The following CHCHD3 variants were observed in gnomAD, a reference collection of about 807,000 sequenced individuals.
CHCHD3 encodes the protein coiled-coil-helix-coiled-coil-helix domain containing 3, also known as MICOS complex subunit MIC19.
Under a neutral mutation model 38.2 loss-of-function variants are expected in CHCHD3, and 20 were observed. The ratio of observed to expected loss-of-function variants is 0.52; its 90% CI spans 0.37 to 0.76. The LOEUF (loss-of-function observed/expected upper bound fraction) is 0.76, where lower values mean the gene tolerates loss of function less well. CHCHD3 is among the 30% of genes least tolerant of loss of function. The pLI is 0.00. For synonymous variants in CHCHD3, 82 were observed against 100.0 expected (o/e 0.82, Z 1.07); for missense variants, 245 against 279.2 (o/e 0.88, Z 0.87).
chr7:132,985,286 C>G lies in CHCHD3; in HGVS notation c.252-10000G>C, dbSNP rs1364381165. ...CCCCCGCCCGGCCAGCCGCCCCGTC[C>G]GGGAGGTGAGGGGCGCCTCTGCCCG... On this transcript the variant is annotated intron_variant, in intron 3 of 7. Coordinates refer to ENST00000262570, the MANE Select transcript of CHCHD3 (RefSeq NM_017812.4). 2.1e-3 allele frequency among the ~76,000 whole-genome samples: 138 copies of G among 66,300 alleles called. 19 individuals carry two copies. Among genetic ancestry groups the G allele is most frequent in the Admixed American group, 3.7e-3 (25 of 6,752 alleles). The allele number at this position is 66,300 out of a possible 152,430, so 43.5% of individuals were successfully genotyped here.
intron 3 of CHCHD3, among the ~76,000 whole-genome samples, chr7:133,005,631 T>A (rs1364895946): frequency 6.6e-6 from 1 of 152,214 alleles, no homozygotes; most frequent in Non-Finnish European, 1.5e-5. Flanking sequence ...TTCCTTTTTT[T>A]GTATGTAACA....
At chr7:132,985,879 G>A (rs1011812068) in intron 3 of CHCHD3, among the ~76,000 whole-genome samples, 7 of 124,690 alleles carry the variant, frequency 5.6e-5, no homozygotes, top group East Asian at 2.7e-4. Flanking sequence ...CCCTCTGCCC[G>A]GCCACCACCC....
chr7:132,818,617 T>C (rs1042993358), intron 6 of CHCHD3, among the ~76,000 whole-genome samples: 10 of 152,192 alleles, frequency 6.6e-5, no homozygotes, highest in African/African-American at 2.4e-4. Flanking sequence ...GACTTGAAGA[T>C]GCTGTGTTTT....
intron 5 of CHCHD3, among the ~76,000 whole-genome samples, chr7:132,867,725 A>G (rs1808667611): frequency 6.6e-6 from 1 of 152,238 alleles, no homozygotes; most frequent in African/African-American, 2.4e-5. Context: ...GAATGATGAG[A>G]AAGTATAAGG....
chr7:132,914,236 C>T (rs941636038), intron 4 of CHCHD3, among the ~76,000 whole-genome samples: 3 of 151,984 alleles, frequency 2.0e-5, no homozygotes, highest in Non-Finnish European at 4.4e-5. Context: ...GATCCGCCCA[C>T]CTTGGCCTCC....
intron 5 of CHCHD3, among the ~76,000 whole-genome samples, chr7:132,845,842 A>G (rs1035705029): frequency 2.6e-5 from 4 of 152,174 alleles, no homozygotes; most frequent in Non-Finnish European, 5.9e-5. Context: ...TCAAAGCGGC[A>G]TTTTCTTATG....
intron 4 of CHCHD3, among the ~76,000 whole-genome samples, chr7:132,909,646 G>A (rs1421157869): frequency 2.0e-5 from 3 of 152,204 alleles, no homozygotes; most frequent in Non-Finnish European, 4.4e-5. Context: ...ACTTCACAGT[G>A]GAGCACAATG....
At chr7:132,963,688 C>T (rs1375749365) in intron 4 of CHCHD3, among the ~76,000 whole-genome samples, 4 of 133,352 alleles carry the variant, frequency 3.0e-5, no homozygotes, top group Non-Finnish European at 5.0e-5. Flanking sequence ...GCAACACAAA[C>T]GATTATACAC....
In CHCHD3 at chr7:132,915,138, CA is replaced by C. The variant is rs201294940; in HGVS notation, c.370-29394del. Reference sequence around the variant, plus strand: ...TAGGTGACAGAGCAGTACTCCATCTCAAAAAAAAAAAAACCAAATCAACAAA... The same window carrying C: ...TAGGTGACAGAGCAGTACTCCATCTCAAAAAAAAAAAACCAAATCAACAAA... On this transcript the variant is annotated intron_variant, in intron 4 of 7. Transcript: ENST00000262570. Among the ~76,000 whole-genome samples the C allele has an allele frequency of 7.1e-3, 949 of 133,352 alleles. 5 individuals are homozygous for C. The highest frequency in any genetic ancestry group is 0.022 in the African/African-American group (794 of 36,764). The allele number at this position is 133,352 out of a possible 152,430, so 87.5% of individuals were successfully genotyped here.
chr7:132,924,471 C>T (rs1202565831), intron 4 of CHCHD3, among the ~76,000 whole-genome samples: 1 of 152,130 alleles, frequency 6.6e-6, no homozygotes, highest in Non-Finnish European at 1.5e-5. Context: ...ATTAATCTCT[C>T]CTCATCTTGC....
At chr7:132,790,653 C>T (rs1806434333) in intron 7 of CHCHD3, among the ~76,000 whole-genome samples, 1 of 152,224 alleles carries the variant, frequency 6.6e-6, no homozygotes, top group African/African-American at 2.4e-5. Context: ...GATAAAGCAG[C>T]TTTCGAACAC....
chr7:132,857,038 C>A (rs1808357865), intron 5 of CHCHD3, among the ~76,000 whole-genome samples: 1 of 152,214 alleles, frequency 6.6e-6, no homozygotes, highest in Admixed American at 6.5e-5. Context: ...TGTTATTTCA[C>A]CACACCACCA....
intron 3 of CHCHD3, among the ~76,000 whole-genome samples, chr7:133,006,962 T>G (rs1043716498): frequency 6.6e-6 from 1 of 152,144 alleles, no homozygotes; most frequent in Non-Finnish European, 1.5e-5. Context: ...CACTTGTTAT[T>G]TTTTTTCTCC....
At chr7:132,927,754 A>T (rs1275767083) in intron 4 of CHCHD3, among the ~76,000 whole-genome samples, 1 of 152,222 alleles carries the variant, frequency 6.6e-6, no homozygotes, top group East Asian at 1.9e-4. Context: ...GGAGGAACAC[A>T]ATCTTAGGAC....
rs183676386 is a variant in CHCHD3, at chr7:132,909,438, C to T, written c.370-23693G>A. ...CCCAGGAAGTGGAGGTTGCAGTGGG[C>T]CAAGATCGTGCCACTGCACTCCCAT... On this transcript the variant is annotated intron_variant, in intron 4 of 7. Coordinates refer to ENST00000262570, the MANE Select transcript of CHCHD3 (RefSeq NM_017812.4). 3.0e-3 allele frequency among the ~76,000 whole-genome samples: 456 copies of T among 152,234 alleles called. 1 individual carries two copies. The highest frequency in any genetic ancestry group is 0.011 in the African/African-American group (437 of 41,524).
chr7:132,942,669 G>A lies in CHCHD3; in HGVS notation c.369+32500C>T, dbSNP rs182039192. Among the ~76,000 whole-genome samples the A allele has an allele frequency of 6.1e-3, 930 of 152,236 alleles. 10 individuals are homozygous for A. The highest frequency in any genetic ancestry group is 0.01 in the Non-Finnish European group (699 of 68,012). ...TGAAGAGCTAAAAATAATATGATGG[G>A]ATCTAGACTGGTATTACAGACATGA... On this transcript the variant is annotated intron_variant, in intron 4 of 7. Transcript: ENST00000262570.
rs1459208151 is a variant in CHCHD3 at position 132,880,669 on chromosome 7, GA to G, written c.453+4992del. Among the ~76,000 whole-genome samples, 3 of 152,124 alleles carry G rather than the reference GA, an allele frequency of 2.0e-5. No individual in the cohort carries two copies. The East Asian group carries it at 5.8e-4, about 29-fold the overall frequency. ...AAAAAAATAGAAAATACAGAAATATGAAAATTAGCTCTGTGTCCTCAGGAGT... is the reference window on the plus strand; with the variant it reads ...AAAAAAATAGAAAATACAGAAATATGAAATTAGCTCTGTGTCCTCAGGAGT... On this transcript the variant is annotated intron_variant, in intron 5 of 7. Coordinates refer to ENST00000262570, the MANE Select transcript of CHCHD3 (RefSeq NM_017812.4).
intron 3 of CHCHD3, among the ~76,000 whole-genome samples, chr7:132,999,714 G>A (rs1370083653): frequency 6.7e-6 from 1 of 149,910 alleles, no homozygotes; most frequent in East Asian, 2.0e-4. Flanking sequence ...ATTGATTAAA[G>A]TATTTAAAAA....
chr7:133,034,444 T>C (rs1301713158), intron 2 of CHCHD3, among the ~76,000 whole-genome samples: 7 of 150,690 alleles, frequency 4.6e-5, no homozygotes, highest in Non-Finnish European at 7.4e-5. Context: ...TCTAAACATA[T>C]ATGATACTTT....
Sources: gnomAD v4.1 joint callset for allele counts (sites outside exome capture counted in the v4.1 genomes callset) on GRCh38, gnomAD v4.1.1 for gene constraint, MANE v1.5 for transcripts, NCBI Gene and HGNC (gene_info 2026-07-23, HGNC 2026-07-21) for gene names.